TXLNB: variants seen among roughly 807,000 people sequenced by gnomAD.
TXLNB encodes the protein taxilin beta, also known as beta-taxilin.
In TXLNB, 37 loss-of-function variants were observed where a neutral mutation model predicts 57.4. That is an observed-to-expected ratio of 0.64 (90% CI 0.50 to 0.85). TXLNB has a LOEUF of 0.85. Ranked by LOEUF, TXLNB falls within the 40% of genes least tolerant of loss-of-function variation. The probability of loss-of-function intolerance (pLI) is 0.00; values close to 1 mark genes in which losing one functional copy is unlikely to be tolerated. For missense variants in TXLNB, 848 were observed against 825.6 expected (o/e 1.03, Z -0.33); for synonymous variants, 302 against 309.6 (o/e 0.98, Z 0.26).
chr6:139,293,295 T>C (rs527453012), upstream of TXLNB, among the ~76,000 whole-genome samples: 2 of 152,220 alleles, frequency 1.3e-5, no homozygotes, highest in South Asian at 4.1e-4. Context: ...TTTCGCTGTG[T>C]TGGCTAGGCT....
At chr6:139,316,821 AT>A in the TXLNB span, among the ~76,000 whole-genome samples, 14 of 152,334 alleles carry the variant, frequency 9.2e-5, no homozygotes, top group African/African-American at 3.4e-4. Flanking sequence ...CTTTCAAGCC[AT>A]TTTTCAATAT....
the TXLNB span, among the ~76,000 whole-genome samples, chr6:139,302,670 C>A: frequency 2.7e-5 from 4 of 150,236 alleles, no homozygotes; most frequent in Admixed American, 2.0e-4. Context: ...GCCTGAATAG[C>A]TACGAGGGAG....
chr6:139,181,588 A>G, the TXLNB span, among the ~76,000 whole-genome samples: 2 of 152,184 alleles, frequency 1.3e-5, no homozygotes, highest in Non-Finnish European at 2.9e-5. Context: ...GTGTACTCAT[A>G]CACTTGTTCT....
chr6:139,262,799 G>A (rs879247107), intron 4 of TXLNB, 26 bp from the exon 5 acceptor site: 2 of 1,607,624 alleles, frequency 1.2e-6, no homozygotes, highest in Admixed American at 3.4e-5. Flanking sequence ...AAAACATTTT[G>A]TTTAAATGCA....
At chr6:139,321,622 G>A in the TXLNB span, among the ~76,000 whole-genome samples, 3,570 of 135,442 alleles carry the variant, frequency 0.026, 216 homozygotes, top group African/African-American at 0.098. Flanking sequence ...CTCTAGCCCA[G>A]ACTACTCTCT....
At chr6:139,222,250 A>C in the TXLNB span, among the ~76,000 whole-genome samples, 5 of 152,300 alleles carry the variant, frequency 3.3e-5, no homozygotes, top group East Asian at 1.9e-4. Context: ...ATTGAAAATA[A>C]AAGTGTGGAG....
chr6:139,225,834 T>C, the TXLNB span, among the ~76,000 whole-genome samples: 3 of 151,272 alleles, frequency 2.0e-5, no homozygotes, highest in South Asian at 6.3e-4. Context: ...TGATTCTAAA[T>C]TATATATGAA....
the TXLNB span, among the ~76,000 whole-genome samples, chr6:139,214,659 C>T: frequency 2.0e-5 from 3 of 152,054 alleles, no homozygotes; most frequent in South Asian, 2.1e-4. Context: ...AAATAAAGGG[C>T]ATTCAATTAG....
At chr6:139,167,573 C>T in the TXLNB span, among the ~76,000 whole-genome samples, 12 of 152,188 alleles carry the variant, frequency 7.9e-5, no homozygotes, top group South Asian at 2.1e-4. Context: ...AAAGGATTGC[C>T]GGTGTATGGT....
intron 6 of TXLNB, 90 bp downstream of exon 6, chr6:139,260,228 A>T (rs1159356851): frequency 7.1e-7 from 1 of 1,413,840 alleles, no homozygotes; most frequent in Admixed American, 2.3e-5. Context: ...TCAAATAAAT[A>T]AATAAATAAA....
At chr6:139,206,214 A>G in the TXLNB span, among the ~76,000 whole-genome samples, 1 of 152,200 alleles carries the variant, frequency 6.6e-6, no homozygotes, top group Non-Finnish European at 1.5e-5. Flanking sequence ...ATACAGTAAA[A>G]TCAAGCATTC....
intron 6 of TXLNB, among the ~76,000 whole-genome samples, chr6:139,256,067 G>C (rs1337090583): frequency 6.6e-6 from 1 of 152,080 alleles, no homozygotes; most frequent in Admixed American, 6.5e-5. Flanking sequence ...GGGCAATAGA[G>C]TGAGACTCCA....
the TXLNB span, among the ~76,000 whole-genome samples, chr6:139,298,920 G>A: frequency 6.6e-6 from 1 of 152,114 alleles, no homozygotes; most frequent in East Asian, 1.9e-4. Context: ...CTTCCTCCAT[G>A]TTCTCTCCTT....
At chr6:139,285,416 C>T (rs56750929) in intron 2 of TXLNB, among the ~76,000 whole-genome samples, 7,171 of 143,274 alleles carry the variant, frequency 0.05, 1,202 homozygotes, top group African/African-American at 0.17. Context: ...CTTACGGAAA[C>T]TTGAATAATG....
the TXLNB span, among the ~76,000 whole-genome samples, chr6:139,206,563 G>A: frequency 6.6e-6 from 1 of 152,110 alleles, no homozygotes; most frequent in Non-Finnish European, 1.5e-5. Flanking sequence ...AGCTACTTGG[G>A]AGGCTGAGGC....
intron 3 of TXLNB, 75 bp from the exon 4 acceptor site, chr6:139,270,701 T>G: frequency 7.7e-7 from 1 of 1,302,806 alleles, no homozygotes; most frequent in East Asian, 2.3e-5. Context: ...AAAGCAAACC[T>G]AAAGATTACT....
the TXLNB span, chr6:139,166,863 A>T: frequency 6.2e-7 from 1 of 1,613,832 alleles, no homozygotes; most frequent in Non-Finnish European, 8.5e-7. Context: ...TCTCCTGCCC[A>T]CTTCAGCGGC....
chr6:139,315,212 A>G, the TXLNB span, among the ~76,000 whole-genome samples: 1 of 152,102 alleles, frequency 6.6e-6, no homozygotes, highest in African/African-American at 2.4e-5. Context: ...CAACCTGACC[A>G]ATCCATACTC....
chr6:139,210,967 T>G, the TXLNB span, among the ~76,000 whole-genome samples: 1 of 152,168 alleles, frequency 6.6e-6, no homozygotes, highest in Non-Finnish European at 1.5e-5. Context: ...CTTGAGTAGG[T>G]AAACAAAGCG....
Sources: gnomAD v4.1 joint callset for allele counts (sites outside exome capture counted in the v4.1 genomes callset) on GRCh38, gnomAD v4.1.1 for gene constraint, MANE v1.5 for transcripts, NCBI Gene and HGNC (gene_info 2026-07-23, HGNC 2026-07-21) for gene names.